The following IL1RAPL2 variants were observed in gnomAD, a reference collection of about 807,000 sequenced individuals.
IL1RAPL2 encodes interleukin 1 receptor accessory protein like 2.
Under a neutral mutation model 44.1 loss-of-function variants are expected in IL1RAPL2, and 3 were observed. That is an observed-to-expected ratio of 0.07 (90% confidence interval 0.03 to 0.18). The LOEUF (loss-of-function observed/expected upper bound fraction) is 0.18. Ranked by LOEUF, IL1RAPL2 falls within the 10% of genes least tolerant of loss-of-function variation. The pLI is 1.00. For missense variants in IL1RAPL2, 391 were observed against 496.4 expected (o/e 0.79, Z 2.02); for synonymous variants, 181 against 178.8 (o/e 1.01, Z -0.10).
chrX:105,759,024 C>T (rs1376489176), intron 10 of IL1RAPL2, among the ~76,000 whole-genome samples: 1 of 111,972 alleles, frequency 8.9e-6, no homozygotes, highest in East Asian at 2.8e-4. Context: ...CTGAAGCTGA[C>T]ATGTGACCAA....
chrX:104,658,060 G>A (rs367727489), intron 1 of IL1RAPL2, among the ~76,000 whole-genome samples: 5 of 112,068 alleles, frequency 4.5e-5, no homozygotes, highest in African/African-American at 9.7e-5. Context: ...ACAGTGTGGC[G>A]ATTCCTCAAG....
Position 105,717,474 on chromosome X carries a change from C to A in IL1RAPL2, c.880C>A (p.His294Asn). 1.7e-6 allele frequency: 2 copies of A among 1,203,804 alleles called. No homozygotes were observed. The highest frequency in any genetic ancestry group is 3.5e-5 in the South Asian group (2 of 56,342). Residue 294 changes from histidine to asparagine, a missense_variant, in exon 7 of 11, where the codon CAC (histidine) becomes AAC (asparagine). By Grantham distance (68) the His-to-Asn change is moderately conservative. Around this residue, in one of 2 missense-constraint regions of IL1RAPL2, gnomAD observed 159 missense variants for 251.7 expected, o/e 0.63. Coordinates refer to ENST00000372582, the MANE Select transcript of IL1RAPL2 (RefSeq NM_017416.2). Reference sequence around the variant, plus strand: ...AAAGTTTATTGAAGAACTGGCAGGTCACATTAGAGAAGGTGAAATAAGGTA... The same window carrying A: ...AAAGTTTATTGAAGAACTGGCAGGTAACATTAGAGAAGGTGAAATAAGGTA... The part of the protein sequence containing the change: ...GEKFIEELAG[H>N]IREGEIRLLK...
intron 2 of IL1RAPL2, among the ~76,000 whole-genome samples, chrX:104,677,848 G>C (rs1034342092): frequency 8.9e-6 from 1 of 111,934 alleles, no homozygotes; most frequent in Non-Finnish European, 1.9e-5. Context: ...GGGTGGGAGT[G>C]ACCCGATTTT....
intron 6 of IL1RAPL2, among the ~76,000 whole-genome samples, chrX:105,678,528 C>T (rs370353366): frequency 1.5e-4 from 17 of 109,868 alleles, no homozygotes; most frequent in African/African-American, 4.6e-4. Flanking sequence ...TGTAAACCAC[C>T]CTTCTGCTCA....
At chrX:104,783,538 G>A (rs1335167729) in intron 2 of IL1RAPL2, among the ~76,000 whole-genome samples, 2 of 110,491 alleles carry the variant, frequency 1.8e-5, no homozygotes, top group Admixed American at 9.8e-5. Context: ...TTTTTAATTG[G>A]CAATGATCTC....
intron 2 of IL1RAPL2, among the ~76,000 whole-genome samples, chrX:104,695,273 G>C (rs1024837930): frequency 9.0e-6 from 1 of 111,086 alleles, no homozygotes; most frequent in Admixed American, 9.6e-5. Flanking sequence ...AATCAACTAG[G>C]ATGCAAAGCA....
chrX:105,516,185 C>A (rs570602006), intron 6 of IL1RAPL2, among the ~76,000 whole-genome samples: 1 of 112,315 alleles, frequency 8.9e-6, no homozygotes, highest in Middle Eastern at 4.6e-3. Context: ...TTTTCCCCAG[C>A]CAACCATGTT....
chrX:104,838,497 A>G (rs1029632395), intron 2 of IL1RAPL2, among the ~76,000 whole-genome samples: 1 of 110,999 alleles, frequency 9.0e-6, no homozygotes, highest in African/African-American at 3.3e-5. Flanking sequence ...TGTGAATGGG[A>G]GTTCATTCAT....
chrX:104,649,353 T>A (rs889468039), intron 1 of IL1RAPL2, among the ~76,000 whole-genome samples: 11 of 111,662 alleles, frequency 9.9e-5, no homozygotes, highest in African/African-American at 3.6e-4. Flanking sequence ...TGGTTGAAAG[T>A]TGGACTAGGT....
intron 6 of IL1RAPL2, among the ~76,000 whole-genome samples, chrX:105,639,140 G>C (rs1350381048): frequency 9.0e-6 from 1 of 111,695 alleles, no homozygotes; most frequent in Non-Finnish European, 1.9e-5. Context: ...CTAAGACCTA[G>C]TATGGATGTT....
intron 2 of IL1RAPL2, among the ~76,000 whole-genome samples, chrX:104,899,466 CAATGGA>C (rs1057035808): frequency 2.7e-5 from 3 of 111,716 alleles, no homozygotes; most frequent in Non-Finnish European, 5.7e-5. Flanking sequence ...TTAGGAATAT[CAATGGA>C]AATACAAAGA....
chrX:105,671,926 A>G (rs2037827961), intron 6 of IL1RAPL2, among the ~76,000 whole-genome samples: 1 of 110,079 alleles, frequency 9.1e-6, no homozygotes, highest in Non-Finnish European at 1.9e-5. Flanking sequence ...TATCCCCTCC[A>G]TTCTGTTTTT....
At chrX:104,696,709 G>A (rs764187884) in intron 2 of IL1RAPL2, among the ~76,000 whole-genome samples, 4 of 111,516 alleles carry the variant, frequency 3.6e-5, no homozygotes, top group Admixed American at 2.9e-4. Context: ...AATAAAATGG[G>A]ATTCTACAGG....
intron 2 of IL1RAPL2, among the ~76,000 whole-genome samples, chrX:105,087,146 A>G (rs2032489822): frequency 9.0e-6 from 1 of 111,523 alleles, no homozygotes; most frequent in Admixed American, 9.6e-5. Context: ...TAAACTGGAA[A>G]TGGCATAAGT....
chrX:105,481,333 G>T (rs940738842), intron 5 of IL1RAPL2, among the ~76,000 whole-genome samples: 15 of 112,299 alleles, frequency 1.3e-4, no homozygotes, highest in Admixed American at 6.6e-4. Flanking sequence ...TACCTTACAA[G>T]GTCATCATGA....
intron 2 of IL1RAPL2, among the ~76,000 whole-genome samples, chrX:104,948,700 G>C (rs1299185803): frequency 9.0e-6 from 1 of 110,992 alleles, no homozygotes; most frequent in East Asian, 2.8e-4. Flanking sequence ...CTTTGGTTCT[G>C]TTTATATGCT....
At chrX:105,238,775 T>C (rs1054546241) in intron 4 of IL1RAPL2, among the ~76,000 whole-genome samples, 1 of 110,450 alleles carries the variant, frequency 9.1e-6, no homozygotes, top group Non-Finnish European at 1.9e-5. Flanking sequence ...TAGGTGAGAG[T>C]GTGCCACTCT....
intron 2 of IL1RAPL2, among the ~76,000 whole-genome samples, chrX:104,819,817 C>A (rs1921249806): frequency 8.9e-6 from 1 of 112,210 alleles, no homozygotes; most frequent in Non-Finnish European, 1.9e-5. Flanking sequence ...GTTCTCAATA[C>A]AATGAGCTGA....
At chrX:105,598,242 A>G (rs933619433) in intron 6 of IL1RAPL2, among the ~76,000 whole-genome samples, 1 of 110,856 alleles carries the variant, frequency 9.0e-6, no homozygotes, top group Non-Finnish European at 1.9e-5. Flanking sequence ...TTATAAGTGA[A>G]AACACACACA....
Sources: allele counts gnomAD v4.1 joint callset (sites outside exome capture counted in the v4.1 genomes callset), GRCh38; gene constraint gnomAD v4.1.1; regional missense constraint gnomAD v4.1.1; transcripts MANE v1.5; gene names NCBI Gene and HGNC (gene_info 2026-07-23, HGNC 2026-07-21).